Variants in CNTN4 observed in about 807,000 individuals in gnomAD.
The protein encoded by CNTN4 is contactin 4.
A neutral mutation model predicts 122.5 loss-of-function variants in CNTN4; 77 were observed. The observed-to-expected ratio is 0.63, with a 90% confidence interval of 0.52 to 0.76. The LOEUF is 0.76. CNTN4 is among the 30% of genes least tolerant of loss of function. The pLI, the probability that CNTN4 is intolerant of heterozygous loss-of-function variation, is 0.00. For synonymous variants in CNTN4, 512 were observed against 447.0 expected (o/e 1.15, Z -1.83); for missense variants, 1,256 against 1,259.1 (o/e 1.00, Z 0.04).
intron 3 of CNTN4, among the ~76,000 whole-genome samples, chr3:2,341,987 C>A (rs1157475378): frequency 6.6e-6 from 1 of 152,112 alleles, no homozygotes. Context: ...CTTAGCTACC[C>A]AAAGATACAT....
At chr3:2,790,827 TA>T (rs1199260032) in intron 6 of CNTN4, among the ~76,000 whole-genome samples, 1 of 152,228 alleles carries the variant, frequency 6.6e-6, no homozygotes, top group Non-Finnish European at 1.5e-5. Context: ...TCTTATTTTT[TA>T]TGCAAATCTT....
chr3:2,354,120 A>G (rs2044765999), intron 3 of CNTN4, among the ~76,000 whole-genome samples: 1 of 152,254 alleles, frequency 6.6e-6, no homozygotes, highest in Admixed American at 6.5e-5. Flanking sequence ...GAGTGGTTAC[A>G]TAAGCTTCCC....
intron 2 of CNTN4, among the ~76,000 whole-genome samples, chr3:2,295,352 T>A (rs1355648357): frequency 7.4e-6 from 1 of 134,942 alleles, no homozygotes; most frequent in Admixed American, 7.4e-5. Context: ...GTTTCCTGAC[T>A]TTTGAATGAT....
chr3:2,486,308 C>T (rs773970597), intron 3 of CNTN4, among the ~76,000 whole-genome samples: 49 of 152,102 alleles, frequency 3.2e-4, no homozygotes, highest in Non-Finnish European at 6.2e-4. Context: ...TAAGGGTCCG[C>T]GGCTTCATTC....
chr3:2,379,084 C>T (rs888188496), intron 3 of CNTN4, among the ~76,000 whole-genome samples: 1 of 152,092 alleles, frequency 6.6e-6, no homozygotes, highest in Non-Finnish European at 1.5e-5. Flanking sequence ...GCATGTTTAC[C>T]TATACAATAG....
chr3:2,370,706 T>A (rs2045597164), intron 3 of CNTN4, among the ~76,000 whole-genome samples: 1 of 152,222 alleles, frequency 6.6e-6, no homozygotes, highest in South Asian at 2.1e-4. Context: ...AGTGAATGTG[T>A]TACTTATTGT....
At chr3:2,122,718 C>T (rs574929163) in intron 2 of CNTN4, among the ~76,000 whole-genome samples, 2 of 152,166 alleles carry the variant, frequency 1.3e-5, no homozygotes, top group Admixed American at 6.5e-5. Flanking sequence ...AATTTACATT[C>T]TCAAAACAAG....
chr3:2,821,558 A>T, intron 7 of CNTN4, among the ~76,000 whole-genome samples: 1 of 152,178 alleles, frequency 6.6e-6, no homozygotes, highest in East Asian at 1.9e-4. Flanking sequence ...GAAAAATCAA[A>T]TATTTTACGC....
intron 4 of CNTN4, among the ~76,000 whole-genome samples, chr3:2,727,440 C>G (rs1002947128): frequency 6.6e-6 from 1 of 152,154 alleles, no homozygotes; most frequent in Non-Finnish European, 1.5e-5. Flanking sequence ...CTTGTCATAA[C>G]TAGGGCTTGG....
At chr3:2,364,479 G>T (rs1181867762) in intron 3 of CNTN4, among the ~76,000 whole-genome samples, 1 of 152,088 alleles carries the variant, frequency 6.6e-6, no homozygotes, top group Non-Finnish European at 1.5e-5. Context: ...GTTGACAATA[G>T]AATTTCCTTT....
At chr3:2,540,910 C>A (rs2078006741) in intron 3 of CNTN4, among the ~76,000 whole-genome samples, 1 of 152,060 alleles carries the variant, frequency 6.6e-6, no homozygotes, top group Non-Finnish European at 1.5e-5. Flanking sequence ...ACAATGGAAC[C>A]AATTGTACCT....
intron 13 of CNTN4, among the ~76,000 whole-genome samples, chr3:2,977,678 A>T (rs1254212177): frequency 6.6e-6 from 1 of 152,132 alleles, no homozygotes; most frequent in East Asian, 1.9e-4. Flanking sequence ...CCCTCGTCTA[A>T]GGGCTTCAAA....
chr3:2,505,317 C>G (rs2076703583), intron 3 of CNTN4, among the ~76,000 whole-genome samples: 1 of 152,038 alleles, frequency 6.6e-6, no homozygotes, highest in African/African-American at 2.4e-5. Context: ...TATATTGGTT[C>G]TAGGTCAAAG....
chr3:2,725,402 C>T (rs746189356), intron 4 of CNTN4, among the ~76,000 whole-genome samples: 1 of 152,116 alleles, frequency 6.6e-6, no homozygotes, highest in Non-Finnish European at 1.5e-5. Context: ...TTAACTGGCT[C>T]TCTGGGAGAT....
In CNTN4 at chr3:2,600,005, C is replaced by CTTTTTTTTTTTTTTTTTTTTTTTTTTTT. The variant is rs1220761684; in HGVS notation, c.55+28449_55+28450insTTTTTTTTTTTTTTTTTTTTTTTTTTTT. Reference sequence around the variant, plus strand: ...CAACTCTATTTTGGTTTATGGAATTCTTCTTTTTTTTTTTTTTTTTTTTTT... The same window carrying CTTTTTTTTTTTTTTTTTTTTTTTTTTTT: ...CAACTCTATTTTGGTTTATGGAATTCTTTTTTTTTTTTTTTTTTTTTTTTTTTTTTCTTTTTTTTTTTTTTTTTTTTTT... On this transcript the variant is annotated intron_variant, in intron 4 of 24. Coordinates refer to ENST00000418658, the MANE Select transcript of CNTN4 (RefSeq NM_175607.3). Among the ~76,000 whole-genome samples the CTTTTTTTTTTTTTTTTTTTTTTTTTTTT allele has an allele frequency of 2.5e-4, 7 of 28,302 alleles. 1 individual carries two copies. Among genetic ancestry groups the CTTTTTTTTTTTTTTTTTTTTTTTTTTTT allele is most frequent in the Non-Finnish European group, 5.7e-4 (6 of 10,612 alleles). 18.6% of individuals were successfully genotyped at this position (28,302 alleles called of 152,430 possible).
intron 4 of CNTN4, chr3:2,629,584 G>T: frequency 2.2e-6 from 1 of 452,246 alleles, no homozygotes; most frequent in Non-Finnish European, 4.4e-6. Flanking sequence ...AGGCTGGTGA[G>T]TTGACTTTAT....
intron 23 of CNTN4, among the ~76,000 whole-genome samples, chr3:3,049,962 G>A (rs1208366813): frequency 6.6e-6 from 1 of 152,170 alleles, no homozygotes; most frequent in Non-Finnish European, 1.5e-5. Flanking sequence ...GTCTTACTCA[G>A]GAACAGAATA....
In CNTN4 at chr3:3,007,501, A is replaced by G. The variant is rs568933204; in HGVS notation, c.1487-18601A>G. 5.9e-5 allele frequency among the ~76,000 whole-genome samples: 9 copies of G among 152,366 alleles called. No homozygotes were observed. The South Asian group carries it at 1.7e-3, about 28-fold the overall frequency. ...CACCTGGCTCTGCCTGTGGTTATCT[A>G]TAATATCTCACCCAAAGGGTGTTGT... is the stretch of plus-strand genomic sequence containing the variant. On this transcript the variant is annotated intron_variant, in intron 14 of 24. Coordinates refer to ENST00000418658, the MANE Select transcript of CNTN4 (RefSeq NM_175607.3).
At chr3:2,420,561 G>A (rs1364290364) in intron 3 of CNTN4, among the ~76,000 whole-genome samples, 1 of 151,778 alleles carries the variant, frequency 6.6e-6, no homozygotes, top group Middle Eastern at 3.2e-3. Context: ...TCAGTCTACC[G>A]AGTAGCTGGG....
Sources: gnomAD v4.1 joint callset for allele counts (sites outside exome capture counted in the v4.1 genomes callset) on GRCh38, gnomAD v4.1.1 for gene constraint, MANE v1.5 for transcripts, NCBI Gene and HGNC (gene_info 2026-07-23, HGNC 2026-07-21) for gene names.